Variants in LRTM1 observed in about 807,000 individuals in gnomAD.
LRTM1 encodes the protein leucine rich repeat transmembrane protein 1, also known as leucine-rich repeat and transmembrane domain-containing protein 1.
A neutral mutation model predicts 32.4 loss-of-function variants in LRTM1; 38 were observed. The observed-to-expected ratio is 1.17, with a 90% CI of 0.91 to 1.54. The LOEUF (loss-of-function observed/expected upper bound fraction) is 1.54, where lower values mean the gene tolerates loss of function less well. LRTM1 is among the 40% of genes most tolerant of loss of function. The pLI is 0.00. For synonymous variants in LRTM1, 186 were observed against 169.9 expected, an observed-to-expected ratio of 1.09 and a Z score of -0.74; for missense variants, 466 against 415.4, an observed-to-expected ratio of 1.12 and a Z score of -1.06.
At chr3:54,937,149 T>TCAC (rs1168118068) in intron 1 of LRTM1, among the ~76,000 whole-genome samples, 1 of 152,232 alleles carries the variant, frequency 6.6e-6, no homozygotes, top group Non-Finnish European at 1.5e-5. Flanking sequence ...AAATAAGGTG[T>TCAC]GCTCAAGGGA....
At chr3:54,960,220 A>G (rs986452679) in intron 1 of LRTM1, among the ~76,000 whole-genome samples, 1 of 152,124 alleles carries the variant, frequency 6.6e-6, no homozygotes, top group Non-Finnish European at 1.5e-5. Flanking sequence ...AGCAAAGAAA[A>G]TCTTCTGCTG....
chr3:54,945,694 A>C (rs1470414658), intron 1 of LRTM1, among the ~76,000 whole-genome samples: 1 of 152,212 alleles, frequency 6.6e-6, no homozygotes, highest in East Asian at 1.9e-4. Context: ...TGCAGGTTTG[A>C]CAGTGGTTCC....
At position 54,927,995 on chromosome 3, in the gene LRTM1, T is replaced by G. The variant is rs751202247; in HGVS notation, c.-84A>C. ...GCAACACACGAAGGGCATGGCAGAC[T>G]CAGAGCCCAGCTTTACATTCAGTCT... On this transcript the variant is annotated 5_prime_UTR_variant, in exon 1 of 3. Transcript: ENST00000273286. The G allele has an allele frequency of 7.9e-6, 10 of 1,269,142 alleles. No individual in the cohort carries two copies. The highest frequency in any genetic ancestry group is 1.5e-5 in the African/African-American group (1 of 67,732). 78.6% of individuals were successfully genotyped at this position (1,269,142 alleles called of 1,614,324 possible).
At chr3:54,930,857 G>A (rs143330223), upstream of LRTM1, among the ~76,000 whole-genome samples, 62 of 152,294 alleles carry the variant, frequency 4.1e-4, 1 homozygote, top group African/African-American at 1.4e-3. Flanking sequence ...ATATACTTTG[G>A]GAGGCTGAGT....
At chr3:54,942,762 C>T (rs9839247) in intron 1 of LRTM1, among the ~76,000 whole-genome samples, 1,959 of 152,098 alleles carry the variant, frequency 0.013, 42 homozygotes, top group African/African-American at 0.045. Flanking sequence ...CAGTGGCTCA[C>T]ACCTGTAATC....
Position 54,924,794 on chromosome 3 carries a change from C to G in LRTM1, c.429G>C (p.Glu143Asp). The G allele has an allele frequency of 6.2e-7, 1 of 1,614,110 alleles. No homozygotes were observed. The highest frequency in any genetic ancestry group is 1.1e-5 in the South Asian group (1 of 91,070). ...CAAGTATAGTTAGGTTCTCCCAAGT[C>G]TCTCCCAAGGATGTGGGAAGGTGGC... ...NISHLPTSLG[E>D]TWENLTILAV... The change falls in exon 2 of 3, where the codon GAG (glutamate) becomes GAC (aspartate). Residue 143 changes from glutamate (E) to aspartate (D), a missense_variant. Glu to Asp is a conservative substitution (Grantham distance 45). Coordinates refer to ENST00000273286, the MANE Select transcript of LRTM1 (RefSeq NM_020678.4).
At chr3:54,954,142 T>C (rs767249809) in intron 1 of LRTM1, among the ~76,000 whole-genome samples, 7 of 152,218 alleles carry the variant, frequency 4.6e-5, no homozygotes, top group Non-Finnish European at 8.8e-5. Context: ...AATCATGTCA[T>C]CATGCAGGCA....
chr3:54,933,978 T>C (rs1358893048), intron 1 of LRTM1, among the ~76,000 whole-genome samples: 1 of 151,964 alleles, frequency 6.6e-6, no homozygotes, highest in South Asian at 2.1e-4. Context: ...GTCATGTTGG[T>C]CAGGCTGGTC....
In LRTM1 at chr3:54,941,841, C is replaced by T. The variant is rs565086509; in HGVS notation, c.-221-16626G>A. Among the ~76,000 whole-genome samples the T allele has an allele frequency of 3.8e-3, 577 of 152,210 alleles. 3 individuals are homozygous for T. Among genetic ancestry groups the T allele is most frequent in the Non-Finnish European group, 5.7e-3 (385 of 68,010 alleles). On this transcript the variant is annotated intron_variant, in intron 1 of 2. Coordinates refer to the LRTM1 transcript ENST00000493075. ...AGGCTTCAGGGACATGCATTGGCCTCCTCCCTGCCACACAGTTCTGCAGCT... is the reference window on the plus strand; with the variant it reads ...AGGCTTCAGGGACATGCATTGGCCTTCTCCCTGCCACACAGTTCTGCAGCT...
At chr3:54,964,291 A>G (rs1277317459) in intron 1 of LRTM1, among the ~76,000 whole-genome samples, 1 of 152,180 alleles carries the variant, frequency 6.6e-6, no homozygotes, top group Middle Eastern at 3.2e-3. Context: ...GATTCCCAGC[A>G]GGGAGGGAGC....
intron 2 of LRTM1, among the ~76,000 whole-genome samples, chr3:54,922,820 C>A (rs1216660566): frequency 6.6e-6 from 1 of 152,146 alleles, no homozygotes; most frequent in Non-Finnish European, 1.5e-5. Flanking sequence ...CACTCACTCA[C>A]TCCCCCCAGT....
Position 54,924,869 on chromosome 3 carries a change from G to T in LRTM1, c.354C>A (p.Phe118Leu). The change falls in exon 2 of 3, where the codon TTC becomes TTA. Residue 118 changes from phenylalanine to leucine, a missense_variant. Transcript: ENST00000273286. ...NSLLSLESRL[F>L]HSLPQLRELD... ...GCTCCCTCAGCTGAGGGAGGGAATG[G>T]AAAAGTCTGCTTTCCAGGGAAAGGA... 1 of 1,613,794 alleles carries T rather than the reference G, an allele frequency of 6.2e-7. No homozygotes were observed. Among genetic ancestry groups the T allele is most frequent in the Non-Finnish European group, 8.5e-7 (1 of 1,179,764 alleles).
upstream of LRTM1, among the ~76,000 whole-genome samples, chr3:54,930,550 AT>A (rs1559634512): frequency 1.3e-5 from 2 of 152,184 alleles, no homozygotes; most frequent in Non-Finnish European, 1.5e-5. Flanking sequence ...TGACAGCACA[AT>A]TGGATGTTGG....
At chr3:54,926,491 C>T (rs1701021671) in intron 1 of LRTM1, among the ~76,000 whole-genome samples, 1 of 140,670 alleles carries the variant, frequency 7.1e-6, no homozygotes, top group South Asian at 2.4e-4. Flanking sequence ...TACTGTGCTC[C>T]ACTGCCTGTC....
At chr3:54,954,388 C>T (rs1219866118) in intron 1 of LRTM1, among the ~76,000 whole-genome samples, 2 of 152,222 alleles carry the variant, frequency 1.3e-5, no homozygotes, top group African/African-American at 4.8e-5. Flanking sequence ...GATGCTTTCA[C>T]ATTCTTCCCA....
At chr3:54,955,935 A>T (rs1701878710) in intron 1 of LRTM1, among the ~76,000 whole-genome samples, 1 of 152,160 alleles carries the variant, frequency 6.6e-6, no homozygotes, top group African/African-American at 2.4e-5. Flanking sequence ...TGATGAAGAG[A>T]AAAAATTGGT....
At chr3:54,938,548 C>G (rs1001997299) in intron 1 of LRTM1, among the ~76,000 whole-genome samples, 3 of 152,040 alleles carry the variant, frequency 2.0e-5, no homozygotes, top group African/African-American at 7.2e-5. Context: ...TAATACAAAG[C>G]CAAGCATCAT....
chr3:54,927,888 A>G lies in LRTM1; in HGVS notation c.7+17T>C. On this transcript the variant is annotated intron_variant, in intron 1 of 2. Transcript: ENST00000273286. ...CCCAGACAAGAACTTTTCCAACGGGAATTGATCAGGGCTCACCTTTCATGA... is the reference window on the plus strand; with the variant it reads ...CCCAGACAAGAACTTTTCCAACGGGGATTGATCAGGGCTCACCTTTCATGA... The G allele has an allele frequency of 6.2e-7, 1 of 1,613,624 alleles. No homozygotes were observed. The highest frequency in any genetic ancestry group is 8.5e-7 in the Non-Finnish European group (1 of 1,179,638).
intron 1 of LRTM1, among the ~76,000 whole-genome samples, chr3:54,937,002 G>A (rs1223135442): frequency 6.6e-6 from 1 of 152,142 alleles, no homozygotes; most frequent in East Asian, 1.9e-4. Context: ...AGGCAGCTGA[G>A]TGCCGCTGTG....
Sources: allele counts gnomAD v4.1 joint callset (sites outside exome capture counted in the v4.1 genomes callset), GRCh38; gene constraint gnomAD v4.1.1; transcripts MANE v1.5; gene names NCBI Gene and HGNC (gene_info 2026-07-23, HGNC 2026-07-21).